Variants in MBOAT7 observed in about 807,000 individuals in gnomAD.
MBOAT7 encodes membrane-bound acylglycerophosphatidylinositol O-acyltransferase MBOAT7.
In MBOAT7, 40 loss-of-function variants were observed where a neutral mutation model predicts 47.4. The ratio of observed to expected loss-of-function variants is 0.84; its 90% CI spans 0.66 to 1.10. The LOEUF is 1.10. Ranked by LOEUF, MBOAT7 falls within the 50% of genes least tolerant of loss-of-function variation. The probability of loss-of-function intolerance (pLI) is 0.00; values close to 1 mark genes in which losing one functional copy is unlikely to be tolerated. For missense variants in MBOAT7, 680 were observed against 655.6 expected, an observed-to-expected ratio of 1.04 and a Z score of -0.41; for synonymous variants, 361 against 292.0, an observed-to-expected ratio of 1.24 and a Z score of -2.41.
At chr19:54,188,651 T>C in intron 1 of MBOAT7, 140 bp from the exon 2 acceptor site, 1 of 777,956 alleles carries the variant, frequency 1.3e-6, no homozygotes, top group Non-Finnish European at 2.0e-6. Flanking sequence ...CTCCTCTCCT[T>C]TGAGAACCTA....
At chr19:54,184,629 G>A (rs898016534) in intron 4 of MBOAT7, among the ~76,000 whole-genome samples, 2 of 152,072 alleles carry the variant, frequency 1.3e-5, no homozygotes, top group East Asian at 1.9e-4. Flanking sequence ...TTGGCCGGGC[G>A]CGGTGGCTCA....
At chr19:54,175,235 C>T (rs1457520465) in intron 7 of MBOAT7, among the ~76,000 whole-genome samples, 3 of 152,162 alleles carry the variant, frequency 2.0e-5, no homozygotes, top group Admixed American at 6.5e-5. Context: ...GCCTTGGCCT[C>T]CCAAAGTGCT....
intron 7 of MBOAT7, 82 bp downstream of exon 7, chr19:54,178,683 C>A: frequency 2.6e-6 from 4 of 1,546,708 alleles, no homozygotes; most frequent in Non-Finnish European, 3.5e-6. Flanking sequence ...AGGGGCCCAG[C>A]CAGGGACGCT....
In MBOAT7 at chr19:54,174,423, C is replaced by G; in HGVS notation, c.1040G>C (p.Trp347Ser). The change falls in exon 8 of 8, where the codon TGG (tryptophan) becomes TCG (serine). Residue 347 changes from tryptophan to serine, a missense_variant. Trp to Ser is a radical substitution (Grantham distance 177). Coordinates refer to ENST00000245615, the MANE Select transcript of MBOAT7 (RefSeq NM_024298.5). ...PARSYVLRSA[W>S]TMLLSAYWHG... ...CCAGTAGGCGCTCAGCAGCATGGTC[C>G]AGGCGCTCCTGAGGAGGAGGCTGGG... The G allele has an allele frequency of 6.4e-7, 1 of 1,560,820 alleles. No individual in the cohort carries two copies. Among genetic ancestry groups the G allele is most frequent in the Non-Finnish European group, 8.7e-7 (1 of 1,153,226 alleles).
Position 54,178,920 on chromosome 19 carries a change from C to T in MBOAT7, c.876G>A (p.Leu292=), listed in dbSNP as rs766171529. 5 of 1,613,018 alleles carry T rather than the reference C, an allele frequency of 3.1e-6. No homozygotes were observed. Among genetic ancestry groups the T allele is most frequent in the Non-Finnish European group, 4.2e-6 (5 of 1,179,940 alleles). The change falls in exon 7 of 8, where the codon TTG becomes TTA. Residue 292 remains leucine (L), a synonymous_variant. Transcript: ENST00000245615. The stretch of plus-strand genomic sequence containing the variant: ...TGCGGATGGTCTCATAGTCATACTC[C>T]AAGGAAGCCGCCTTCTCCGGACTGG... ...PPSSPEKAAS[L]EYDYETIRNI...
chr19:54,181,557 G>A (rs1475702794), intron 5 of MBOAT7, among the ~76,000 whole-genome samples: 8 of 146,194 alleles, frequency 5.5e-5, no homozygotes, highest in Admixed American at 2.0e-4. Flanking sequence ...AGGCTGAGGC[G>A]GGAGGATCGT....
Position 54,180,371 on chromosome 19 carries a change from G to T in MBOAT7, c.854+402C>A. ...CTTCCCTAGCAAATAGTGGCGTTCT[G>T]TTGCTAGGGAACCGTTTCCCTAGCA... On this transcript the variant is annotated intron_variant, in intron 6 of 7. Coordinates refer to ENST00000245615, the MANE Select transcript of MBOAT7 (RefSeq NM_024298.5). This position sits in a 1 kb window ranked among gnomAD's most constrained non-coding sequence, Gnocchi z 5.2. The T allele has an allele frequency of 6.1e-6, 1 of 162,912 alleles. No individual in the cohort carries two copies. Among genetic ancestry groups the T allele is most frequent in the Non-Finnish European group, 1.3e-5 (1 of 75,298 alleles). The allele number at this position is 162,912 out of a possible 1,614,324, so 10.1% of individuals were successfully genotyped here.
In MBOAT7 at chr19:54,174,293, C is replaced by T. The variant is rs755280661; in HGVS notation, c.1170G>A (p.Gly390=). ...ESALRGRLSP[G]GQKAWDWVHW... is the part of the protein sequence containing the mutation. ...GCACCCAGTCCCAGGCCTTCTGGCCCCCTGGGCTCAGCCGCCCCCGCAGGG... is the reference window on the plus strand; with the variant it reads ...GCACCCAGTCCCAGGCCTTCTGGCCTCCTGGGCTCAGCCGCCCCCGCAGGG... The change falls in exon 8 of 8, where the codon GGG becomes GGA. Residue 390 remains glycine (G), a synonymous_variant. Transcript: ENST00000245615. The T allele has an allele frequency of 5.0e-6, 8 of 1,613,038 alleles. No homozygotes were observed. The East Asian group carries it at 1.6e-4, about 31-fold the overall frequency.
chr19:54,174,882 T>A (rs921021201), intron 7 of MBOAT7, among the ~76,000 whole-genome samples: 1 of 151,902 alleles, frequency 6.6e-6, no homozygotes, highest in Admixed American at 6.6e-5. Flanking sequence ...CTCAGTCCTA[T>A]CAAGACCCTC....
intron 3 of MBOAT7, among the ~76,000 whole-genome samples, chr19:54,187,944 G>C (rs2076476162): frequency 6.6e-6 from 1 of 151,832 alleles, no homozygotes; most frequent in Non-Finnish European, 1.5e-5. Context: ...GAACCCGGGA[G>C]GTGGAGGTTG....
At chr19:54,174,871 A>T (rs1268265916) in intron 7 of MBOAT7, among the ~76,000 whole-genome samples, 1 of 151,218 alleles carries the variant, frequency 6.6e-6, no homozygotes, top group East Asian at 2.0e-4. Context: ...TTCCATACAC[A>T]CTCAGTCCTA....
intron 6 of MBOAT7, 67 bp from the exon 7 acceptor site, chr19:54,179,008 C>T: frequency 6.4e-7 from 1 of 1,571,604 alleles, no homozygotes; most frequent in Non-Finnish European, 8.6e-7. Context: ...CCGACGCCTG[C>T]TAGTGTCCCA....
chr19:54,187,454 T>C, intron 3 of MBOAT7, 167 bp from the exon 4 acceptor site: 1 of 788,138 alleles, frequency 1.3e-6, no homozygotes, highest in South Asian at 2.0e-5. Flanking sequence ...ACCGAATGAG[T>C]ATGATTGAAA....
chr19:54,184,215 T>C (rs2076369247), intron 4 of MBOAT7, among the ~76,000 whole-genome samples: 1 of 141,210 alleles, frequency 7.1e-6, no homozygotes, highest in South Asian at 2.2e-4. Flanking sequence ...CAGGCTGGAG[T>C]ATACTGGTGT....
intron 7 of MBOAT7, among the ~76,000 whole-genome samples, chr19:54,176,378 C>G (rs1337885877): frequency 6.6e-6 from 1 of 152,010 alleles, no homozygotes; most frequent in Non-Finnish European, 1.5e-5. Flanking sequence ...ACCTGTAATC[C>G]CAGCACTTTG....
intron 4 of MBOAT7, among the ~76,000 whole-genome samples, chr19:54,184,222 G>C (rs1568814944): frequency 2.0e-5 from 3 of 147,096 alleles, no homozygotes; most frequent in Admixed American, 1.4e-4. Context: ...GAGTATACTG[G>C]TGTGATCTCG....
At chr19:54,178,520 T>C in intron 7 of MBOAT7, 1 of 1,417,660 alleles carries the variant, frequency 7.1e-7, no homozygotes, top group Non-Finnish European at 9.2e-7. Context: ...CAGGACTCAG[T>C]ACATTGCTTC....
Position 54,187,150 on chromosome 19 carries a change from C to T in MBOAT7, c.333+11G>A, listed in dbSNP as rs904454950. 5 of 1,552,070 alleles carry T rather than the reference C, an allele frequency of 3.2e-6. No homozygotes were observed. In the African/African-American group the frequency reaches 6.8e-5, roughly 21 times the overall value. On this transcript the variant is annotated intron_variant, in intron 4 of 7. Coordinates refer to ENST00000245615, the MANE Select transcript of MBOAT7 (RefSeq NM_024298.5). ...GGAGGCTGGAGGGGAGTGGCAAGCC[C>T]CGAGTCTGACCTTCAGCGTCAGCAG...
chr19:54,181,240 GA>G (rs1438865671), intron 5 of MBOAT7, 107 bp from the exon 6 acceptor site: 8 of 1,352,686 alleles, frequency 5.9e-6, no homozygotes, highest in Admixed American at 3.0e-5. Flanking sequence ...GAGGGAGTGA[GA>G]GGGGCAGAGA....
Sources: allele counts gnomAD v4.1 joint callset (sites outside exome capture counted in the v4.1 genomes callset), GRCh38; gene constraint gnomAD v4.1.1; non-coding constraint Gnocchi (gnomAD v3.1); transcripts MANE v1.5; gene names NCBI Gene and HGNC (gene_info 2026-07-23, HGNC 2026-07-21).